The following U2AF2 variants were observed in gnomAD, a reference collection of about 807,000 sequenced individuals.
The protein encoded by U2AF2 is U2 small nuclear RNA auxiliary factor 2.
In U2AF2, 6 loss-of-function variants were observed where a neutral mutation model predicts 52.6. The ratio of observed to expected loss-of-function variants is 0.11; its 90% confidence interval spans 0.06 to 0.23. U2AF2 has a LOEUF of 0.23. U2AF2 is among the 10% of genes least tolerant of loss of function. The probability of loss-of-function intolerance (pLI) is 1.00; values close to 1 mark genes in which losing one functional copy is unlikely to be tolerated. For synonymous variants in U2AF2, 284 were observed against 258.2 expected (o/e 1.10, Z -0.96); for missense variants, 222 against 677.1 (o/e 0.33, Z 7.46).
At chr19:55,663,082 G>A (rs930767824) in intron 6 of U2AF2, among the ~76,000 whole-genome samples, 3 of 152,088 alleles carry the variant, frequency 2.0e-5, no homozygotes, top group African/African-American at 7.2e-5. Context: ...TTCGACTCTT[G>A]GTGGACTGAT....
chr19:55,667,217 T>C (rs1051801913), intron 7 of U2AF2, among the ~76,000 whole-genome samples: 3 of 152,042 alleles, frequency 2.0e-5, no homozygotes, highest in African/African-American at 7.3e-5. Flanking sequence ...TGGGGGCATC[T>C]CCCCTCCTTC....
At chr19:55,658,186 A>G (rs1983915986) in intron 1 of U2AF2, among the ~76,000 whole-genome samples, 1 of 152,164 alleles carries the variant, frequency 6.6e-6, no homozygotes, top group African/African-American at 2.4e-5. Context: ...GTGTTAACAT[A>G]TATAAGCACC....
rs761327934 is a variant in U2AF2 at position 55,668,258 on chromosome 19, G to C, written c.743-249G>C. Among the ~76,000 whole-genome samples, 2 of 152,150 alleles carry C rather than the reference G, an allele frequency of 1.3e-5. No individual in the cohort carries two copies. The highest frequency in any genetic ancestry group is 2.9e-5 in the Non-Finnish European group (2 of 68,022). On this transcript the variant is annotated intron_variant, in intron 7 of 11. Transcript: ENST00000308924. The surrounding 1 kb of genome is among the most constrained non-coding windows in gnomAD (Gnocchi z 5.5). ...AGCGTTCTGGAGGATGTTCTAGTTT[G>C]AGGTTCCCCTGAGGCTGGGCAGATT...
intron 5 of U2AF2, chr19:55,662,259 G>C (rs919193661): frequency 1.2e-5 from 5 of 429,946 alleles, no homozygotes; most frequent in African/African-American, 9.9e-5. Context: ...CCCAACGCCT[G>C]TCCATCGCCT....
At chr19:55,664,302 T>G (rs992539132) in intron 7 of U2AF2, among the ~76,000 whole-genome samples, 18 of 152,182 alleles carry the variant, frequency 1.2e-4, no homozygotes, top group Non-Finnish European at 2.5e-4. Flanking sequence ...AGCCGGACGG[T>G]GTCTGCGTGC....
In U2AF2 at chr19:55,674,161, G is replaced by C; in HGVS notation, c.*93G>C. On this transcript the variant is annotated 3_prime_UTR_variant, in exon 12 of 12. Coordinates refer to ENST00000308924, the MANE Select transcript of U2AF2 (RefSeq NM_007279.3). ...CCCCCTCTGAAGACGATGGGCAGAGGAGTGACAGCCGCAGACACACGACAG... is the reference window on the plus strand; with the variant it reads ...CCCCCTCTGAAGACGATGGGCAGAGCAGTGACAGCCGCAGACACACGACAG... The C allele has an allele frequency of 2.5e-6, 3 of 1,197,632 alleles. No homozygotes were observed. Among genetic ancestry groups the C allele is most frequent in the Middle Eastern group, 3.5e-4 (1 of 2,822 alleles). 74.2% of individuals were successfully genotyped at this position (1,197,632 alleles called of 1,614,324 possible).
At chr19:55,664,545 A>C (rs1317049667) in intron 7 of U2AF2, among the ~76,000 whole-genome samples, 3 of 152,108 alleles carry the variant, frequency 2.0e-5, no homozygotes, top group Non-Finnish European at 2.9e-5. Flanking sequence ...GCTGTGTCTC[A>C]GGCCTGGGAC....
In U2AF2 at chr19:55,669,513, G is replaced by A; in HGVS notation, c.1114G>A (p.Gly372Ser). Residue 372 changes from glycine to serine, a missense_variant, in exon 11 of 12, where the codon GGC (glycine) becomes AGC (serine). Physicochemically the swap from Gly to Ser is moderately conservative, Grantham distance 56. Around this residue, in one of 4 missense-constraint regions of U2AF2, gnomAD observed 71 missense variants for 180.6 expected, o/e 0.39. Transcript: ENST00000308924. ...GLMSSQVQMGGHPTEVLCLMN... is the reference protein window; with the variant it reads ...GLMSSQVQMGSHPTEVLCLMN... Reference sequence around the variant, plus strand: ...GATGAGCTCCCAGGTGCAGATGGGCGGCCACCCGACTGAGGTCCTGTGCCT... The same window carrying A: ...GATGAGCTCCCAGGTGCAGATGGGCAGCCACCCGACTGAGGTCCTGTGCCT... The A allele has an allele frequency of 1.9e-6, 3 of 1,613,856 alleles. No individual in the cohort carries two copies. Among genetic ancestry groups the A allele is most frequent in the Non-Finnish European group, 1.7e-6 (2 of 1,179,868 alleles).
chr19:55,668,492 C>G lies in U2AF2; in HGVS notation c.743-15C>G. On this transcript the variant is annotated splice_polypyrimidine_tract_variant and intron_variant, in intron 7 of 11. Coordinates refer to ENST00000308924, the MANE Select transcript of U2AF2 (RefSeq NM_007279.3). The surrounding 1 kb of genome is among the most constrained non-coding windows in gnomAD (Gnocchi z 5.5). ...CTGGTACTGGAATTGAAGTCCTCCT[C>G]TTCTCTACCCATAGGGGTTGTGTCC... The G allele has an allele frequency of 1.3e-6, 2 of 1,569,582 alleles. No individual in the cohort carries two copies. The highest frequency in any genetic ancestry group is 1.7e-6 in the Non-Finnish European group (2 of 1,155,594).
At position 55,669,569 on chromosome 19, in the gene U2AF2, G is replaced by T; in HGVS notation, c.1170G>T (p.Leu390=). The T allele has an allele frequency of 6.2e-7, 1 of 1,613,930 alleles. No individual in the cohort carries two copies. Among genetic ancestry groups the T allele is most frequent in the Non-Finnish European group, 8.5e-7 (1 of 1,179,910 alleles). The change falls in exon 11 of 12, where the codon CTG becomes CTT. Residue 390 remains leucine (L), a synonymous_variant. Coordinates refer to ENST00000308924, the MANE Select transcript of U2AF2 (RefSeq NM_007279.3). The part of the protein sequence containing the change: ...LMNMVLPEEL[L]DDEEYEEIVE... ...ACATGGTGCTGCCTGAGGAGCTGCTGGACGACGAGGAGTATGAGGAGATCG... is the reference window on the plus strand; with the variant it reads ...ACATGGTGCTGCCTGAGGAGCTGCTTGACGACGAGGAGTATGAGGAGATCG...
intron 1 of U2AF2, among the ~76,000 whole-genome samples, chr19:55,656,352 C>T (rs1983794615): frequency 2.0e-5 from 3 of 152,156 alleles, no homozygotes; most frequent in South Asian, 2.1e-4. Context: ...AAACAGTGTC[C>T]TGGGGAAGCA....
intron 11 of U2AF2, among the ~76,000 whole-genome samples, chr19:55,672,486 A>AT (rs1568556320): frequency 6.6e-6 from 1 of 152,046 alleles, no homozygotes; most frequent in African/African-American, 2.4e-5. Context: ...GGATATTGAG[A>AT]TGTATCCCCA....
At chr19:55,658,486 C>T (rs142109164) in intron 1 of U2AF2, among the ~76,000 whole-genome samples, 14 of 152,254 alleles carry the variant, frequency 9.2e-5, no homozygotes, top group Non-Finnish European at 1.6e-4. Context: ...CCCCTACTCA[C>T]GCCTTTACAG....
chr19:55,662,739 C>T (rs568002860), intron 6 of U2AF2, 121 bp downstream of exon 6: 11 of 818,660 alleles, frequency 1.3e-5, no homozygotes, highest in Non-Finnish European at 2.2e-5. Flanking sequence ...AGCCTCTTCT[C>T]CACCCGGTCG....
chr19:55,662,328 A>G (rs983583653), intron 5 of U2AF2, 174 bp from the exon 6 acceptor site: 9 of 471,980 alleles, frequency 1.9e-5, no homozygotes, highest in Non-Finnish European at 3.0e-5. Flanking sequence ...TTCTGTTCTT[A>G]CTATTGACTT....
At chr19:55,669,047 C>T (rs745724877) in intron 9 of U2AF2, 36 bp from the exon 10 acceptor site, 41 of 1,599,918 alleles carry the variant, frequency 2.6e-5, no homozygotes, top group Non-Finnish European at 3.2e-5. Context: ...CCCCACCTCT[C>T]CCCGCACCCC....
At chr19:55,659,781 A>T (rs1476831860) in intron 2 of U2AF2, among the ~76,000 whole-genome samples, 2 of 151,002 alleles carry the variant, frequency 1.3e-5, no homozygotes, top group Non-Finnish European at 3.0e-5. Flanking sequence ...AGCTCTTGGG[A>T]CCGAGGCAGT....
At chr19:55,665,520 A>G (rs1467174275) in intron 7 of U2AF2, among the ~76,000 whole-genome samples, 3 of 137,198 alleles carry the variant, frequency 2.2e-5, no homozygotes, top group Non-Finnish European at 4.7e-5. Flanking sequence ...AGTGCCCTCC[A>G]TGGACGGCAG....
intron 7 of U2AF2, among the ~76,000 whole-genome samples, chr19:55,667,164 C>G (rs1208469962): frequency 6.6e-6 from 1 of 152,100 alleles, no homozygotes; most frequent in Non-Finnish European, 1.5e-5. Flanking sequence ...GCAGCGTCAT[C>G]ATGGGCTGGA....
Sources: allele counts gnomAD v4.1 joint callset (sites outside exome capture counted in the v4.1 genomes callset), GRCh38; gene constraint gnomAD v4.1.1; regional missense constraint gnomAD v4.1.1; non-coding constraint Gnocchi (gnomAD v3.1); transcripts MANE v1.5; gene names NCBI Gene and HGNC (gene_info 2026-07-23, HGNC 2026-07-21).